HSD17B12: variants seen among roughly 807,000 people sequenced by gnomAD.
HSD17B12 encodes very-long-chain 3-oxoacyl-CoA reductase.
HSD17B12 carries 32 observed loss-of-function variants against 39.3 expected under a neutral mutation model. The ratio of observed to expected loss-of-function variants is 0.81; its 90% CI spans 0.61 to 1.09. The LOEUF is 1.09. HSD17B12 is among the 50% of genes least tolerant of loss of function. The pLI is 0.00. For missense variants in HSD17B12, 342 were observed against 382.9 expected, an observed-to-expected ratio of 0.89 and a Z score of 0.89; for synonymous variants, 150 against 146.7, an observed-to-expected ratio of 1.02 and a Z score of -0.16.
At chr11:43,571,286 T>A in the HSD17B12 span, among the ~76,000 whole-genome samples, 1 of 152,204 alleles carries the variant, frequency 6.6e-6, no homozygotes, top group Non-Finnish European at 1.5e-5. Flanking sequence ...CTGCAGATTG[T>A]TCTTTTCTCT....
At chr11:43,622,171 A>G in the HSD17B12 span, among the ~76,000 whole-genome samples, 2 of 152,156 alleles carry the variant, frequency 1.3e-5, no homozygotes, top group Non-Finnish European at 2.9e-5. Context: ...TCAAGAGGGT[A>G]ATATAGAGAT....
At chr11:43,674,476 T>C in the HSD17B12 span, among the ~76,000 whole-genome samples, 1 of 152,254 alleles carries the variant, frequency 6.6e-6, no homozygotes, top group South Asian at 2.1e-4. Flanking sequence ...GTGATCAGAA[T>C]AAATGTGTAC....
chr11:43,590,807 CTTTTT>C, the HSD17B12 span, among the ~76,000 whole-genome samples: 2 of 125,458 alleles, frequency 1.6e-5, no homozygotes, highest in Non-Finnish European at 1.6e-5. Context: ...CCCAGCTCGA[CTTTTT>C]TTTTTTTTTT....
chr11:43,764,441 G>A (rs988454906), intron 3 of HSD17B12, among the ~76,000 whole-genome samples: 2 of 151,952 alleles, frequency 1.3e-5, no homozygotes, highest in African/African-American at 4.8e-5. Context: ...CCAGAACAGG[G>A]GCTTTTCCAA....
At chr11:43,593,601 G>A in the HSD17B12 span, among the ~76,000 whole-genome samples, 1 of 152,230 alleles carries the variant, frequency 6.6e-6, no homozygotes, top group Non-Finnish European at 1.5e-5. Flanking sequence ...CCTGTGAAAA[G>A]AGAAAGAACT....
upstream of HSD17B12, among the ~76,000 whole-genome samples, chr11:43,678,106 C>A (rs996846792): frequency 4.6e-5 from 7 of 152,182 alleles, no homozygotes; most frequent in African/African-American, 1.7e-4. Context: ...TGTTGCCTGA[C>A]TTTTTAATGA....
At chr11:43,584,373 T>C in the HSD17B12 span, among the ~76,000 whole-genome samples, 1 of 152,348 alleles carries the variant, frequency 6.6e-6, no homozygotes, top group East Asian at 1.9e-4. Flanking sequence ...TGGGCATCTC[T>C]GGAAAGCTCT....
At chr11:43,708,948 C>CT (rs927578024) in intron 1 of HSD17B12, among the ~76,000 whole-genome samples, 11 of 151,954 alleles carry the variant, frequency 7.2e-5, no homozygotes, top group East Asian at 3.8e-4. Flanking sequence ...GAGATTTCAC[C>CT]TTTTTTTTGT....
intron 3 of HSD17B12, among the ~76,000 whole-genome samples, chr11:43,790,808 A>G (rs892207933): frequency 6.6e-6 from 1 of 152,052 alleles, no homozygotes; most frequent in Non-Finnish European, 1.5e-5. Flanking sequence ...CCTGGCCAAC[A>G]TGGTGAAACC....
At chr11:43,800,611 C>T (rs1397963243) in intron 4 of HSD17B12, among the ~76,000 whole-genome samples, 2 of 152,174 alleles carry the variant, frequency 1.3e-5, no homozygotes, top group Non-Finnish European at 2.9e-5. Context: ...ATACAGGACA[C>T]ATGTTCTCTA....
rs562999666 is a variant in HSD17B12 at position 43,723,404 on chromosome 11, A to C, written c.161-27507A>C. On this transcript the variant is annotated intron_variant, in intron 1 of 10. Transcript: ENST00000278353. ...AGCATTTTGACTAGATCTGTCATTC[A>C]ATTCAGCTTAGAAATAATTTATAAT... Among the ~76,000 whole-genome samples the C allele has an allele frequency of 1.3e-3, 192 of 152,322 alleles. 3 individuals are homozygous for C. The highest frequency in any genetic ancestry group is 0.011 in the Admixed American group (168 of 15,296).
chr11:43,620,598 A>G, the HSD17B12 span, among the ~76,000 whole-genome samples: 3 of 152,224 alleles, frequency 2.0e-5, no homozygotes, highest in African/African-American at 7.2e-5. Flanking sequence ...AGATGCCTAT[A>G]AACCGGAGCT....
chr11:43,624,016 T>C, the HSD17B12 span, among the ~76,000 whole-genome samples: 1 of 152,036 alleles, frequency 6.6e-6, no homozygotes, highest in African/African-American at 2.4e-5. Context: ...GACATGCAAA[T>C]TGAACTGAAG....
the HSD17B12 span, among the ~76,000 whole-genome samples, chr11:43,661,712 C>A: frequency 6.6e-6 from 1 of 152,072 alleles, no homozygotes; most frequent in Non-Finnish European, 1.5e-5. Flanking sequence ...ATGTTCATTT[C>A]AGCATTATTT....
chr11:43,691,108 AT>A (rs1189414009), intron 1 of HSD17B12, among the ~76,000 whole-genome samples: 1 of 152,066 alleles, frequency 6.6e-6, no homozygotes, highest in Non-Finnish European at 1.5e-5. Flanking sequence ...GGACTTCCTT[AT>A]TTTTGCTAAT....
intron 4 of HSD17B12, among the ~76,000 whole-genome samples, chr11:43,804,286 C>T (rs1411317484): frequency 2.6e-5 from 4 of 152,250 alleles, no homozygotes; most frequent in South Asian, 2.1e-4. Context: ...GTGTTGATGG[C>T]GTATACAAGT....
the HSD17B12 span, among the ~76,000 whole-genome samples, chr11:43,673,726 T>C: frequency 6.6e-6 from 1 of 152,050 alleles, no homozygotes; most frequent in Non-Finnish European, 1.5e-5. Context: ...TTTCGCTATA[T>C]TGCCCAGGCT....
the HSD17B12 span, among the ~76,000 whole-genome samples, chr11:43,669,303 C>G: frequency 6.6e-6 from 1 of 151,994 alleles, no homozygotes; most frequent in South Asian, 2.1e-4. Context: ...GAGTTCGAGA[C>G]CAACCTGACC....
At chr11:43,808,604 C>T (rs1439229703) in intron 4 of HSD17B12, among the ~76,000 whole-genome samples, 1 of 152,180 alleles carries the variant, frequency 6.6e-6, no homozygotes, top group Non-Finnish European at 1.5e-5. Flanking sequence ...TGTCATCTTT[C>T]TTCATTCCCT....
Sources: gnomAD v4.1 joint callset for allele counts (sites outside exome capture counted in the v4.1 genomes callset) on GRCh38, gnomAD v4.1.1 for gene constraint, MANE v1.5 for transcripts, NCBI Gene and HGNC (gene_info 2026-07-23, HGNC 2026-07-21) for gene names.